Variants in MMP26 observed in about 807,000 individuals in gnomAD.
The protein encoded by MMP26 is matrix metallopeptidase 26.
MMP26 carries 33 observed loss-of-function variants against 31.0 expected under a neutral mutation model. That is an observed-to-expected ratio of 1.06 (90% CI 0.81 to 1.42). The LOEUF (loss-of-function observed/expected upper bound fraction) is 1.42, where lower values mean the gene tolerates loss of function less well. Among genes scored for constraint, MMP26 ranks in the 40% most tolerant of loss-of-function variants. MMP26 has a pLI of 0.00. For synonymous variants in MMP26, 122 were observed against 114.9 expected (o/e 1.06, Z -0.40); for missense variants, 347 against 316.1 (o/e 1.10, Z -0.74).
intron 2 of MMP26, among the ~76,000 whole-genome samples, chr11:4,858,112 C>T (rs528637920): frequency 2.0e-5 from 3 of 152,150 alleles, no homozygotes; most frequent in African/African-American, 7.2e-5. Context: ...GACCCAGAGT[C>T]AATATCATAC....
chr11:4,963,856 C>A (rs1846554511), intron 2 of MMP26, among the ~76,000 whole-genome samples: 1 of 152,124 alleles, frequency 6.6e-6, no homozygotes, highest in African/African-American at 2.4e-5. Flanking sequence ...TTGCATTTCT[C>A]TAATGATCAG....
intron 1 of MMP26, among the ~76,000 whole-genome samples, chr11:4,748,269 T>A (rs1848405278): frequency 6.6e-6 from 1 of 151,836 alleles, no homozygotes; most frequent in African/African-American, 2.4e-5. Flanking sequence ...CCGAACAGAC[T>A]AATATCGATT....
At chr11:4,912,420 C>T (rs374189799) in intron 2 of MMP26, among the ~76,000 whole-genome samples, 9 of 152,124 alleles carry the variant, frequency 5.9e-5, no homozygotes, top group Non-Finnish European at 1.2e-4. Flanking sequence ...TACAAGTGCA[C>T]ATCACAGAGA....
At chr11:4,896,705 A>G (rs1284644215) in intron 2 of MMP26, among the ~76,000 whole-genome samples, 1 of 152,200 alleles carries the variant, frequency 6.6e-6, no homozygotes, top group Non-Finnish European at 1.5e-5. Flanking sequence ...TGAATAAAAT[A>G]TAATTTACAC....
At chr11:4,880,828 G>A (rs557786388) in intron 2 of MMP26, among the ~76,000 whole-genome samples, 15 of 152,144 alleles carry the variant, frequency 9.9e-5, no homozygotes, top group African/African-American at 1.4e-4. Flanking sequence ...ATTCTGAATT[G>A]TGGAGGAAAT....
At chr11:4,709,479 TG>T in intron 1 of MMP26, 2 of 357,252 alleles carry the variant, frequency 5.6e-6, no homozygotes, top group Non-Finnish European at 1.1e-5. Flanking sequence ...ACAAATTGTA[TG>T]GTGTATAGAA....
At position 4,827,624 on chromosome 11, in the gene MMP26, A is replaced by G. The variant is rs113557083; in HGVS notation, c.-145+60283A>G. ...CACCCTTTTATGTTAAAATGGTGAT[A>G]TTAATAATAATATTGTTATTATTTA... On this transcript the variant is annotated intron_variant, in intron 2 of 7. Transcript: ENST00000380390. 4.3e-3 allele frequency among the ~76,000 whole-genome samples: 659 copies of G among 152,078 alleles called. 9 individuals carry two copies. The highest frequency in any genetic ancestry group is 0.015 in the African/African-American group (614 of 41,532).
chr11:4,872,881 A>G (rs751025585), intron 2 of MMP26, among the ~76,000 whole-genome samples: 1 of 152,062 alleles, frequency 6.6e-6, no homozygotes, highest in African/African-American at 2.4e-5. Context: ...ATTTAGATAG[A>G]CAGAATTAAG....
chr11:4,785,707 A>G (rs958381711), intron 2 of MMP26, among the ~76,000 whole-genome samples: 1 of 152,236 alleles, frequency 6.6e-6, no homozygotes, highest in Non-Finnish European at 1.5e-5. Flanking sequence ...TGCAGCTTTT[A>G]ACAAACAGCC....
intron 2 of MMP26, among the ~76,000 whole-genome samples, chr11:4,869,119 A>G (rs546881929): frequency 8.4e-4 from 128 of 152,346 alleles, no homozygotes; most frequent in African/African-American, 2.4e-3. Context: ...AAATCCTACA[A>G]GAAAACCTAG....
rs1303770410 is a variant in MMP26, at chr11:4,952,398, A to C, written c.-144-35670A>C. On this transcript the variant is annotated intron_variant, in intron 2 of 7. Coordinates refer to ENST00000380390, the MANE Select transcript of MMP26 (RefSeq NM_021801.5). Reference sequence around the variant, plus strand: ...GAGAATAGGAGCTTCTGTTTCTTTCAATTAATAAAGCATGTCAACTACTGC... The same window carrying C: ...GAGAATAGGAGCTTCTGTTTCTTTCCATTAATAAAGCATGTCAACTACTGC... 6.4e-5 allele frequency among the ~76,000 whole-genome samples: 8 copies of C among 124,878 alleles called. 2 individuals are homozygous for C. The highest frequency in any genetic ancestry group is 2.2e-4 in the African/African-American group (8 of 36,812). The allele number at this position is 124,878 out of a possible 152,430, so 81.9% of individuals were successfully genotyped here.
At chr11:4,716,532 T>C (rs1368611124) in intron 1 of MMP26, among the ~76,000 whole-genome samples, 4 of 152,106 alleles carry the variant, frequency 2.6e-5, no homozygotes, top group African/African-American at 9.7e-5. Flanking sequence ...TTCTTGTTGT[T>C]TTTAATTATA....
At chr11:4,988,518 T>G (rs1423620925) in intron 3 of MMP26, among the ~76,000 whole-genome samples, 1 of 152,110 alleles carries the variant, frequency 6.6e-6, no homozygotes, top group Non-Finnish European at 1.5e-5. Context: ...AAAGTGTTTT[T>G]GGGCCCTAGG....
chr11:4,725,967 G>A (rs926931545), intron 1 of MMP26, among the ~76,000 whole-genome samples: 2 of 152,158 alleles, frequency 1.3e-5, no homozygotes, highest in East Asian at 1.9e-4. Context: ...AGGGCTGTCT[G>A]CAGGCACAGT....
At chr11:4,973,370 T>C (rs1846691596) in intron 2 of MMP26, 1 of 152,554 alleles carries the variant, frequency 6.6e-6, no homozygotes, top group Non-Finnish European at 1.5e-5. Context: ...GAGGTTCTTC[T>C]TACAATATTT....
chr11:4,963,046 G>C (rs1846542819), intron 2 of MMP26, among the ~76,000 whole-genome samples: 1 of 152,232 alleles, frequency 6.6e-6, no homozygotes. Context: ...AAGCCCTGGG[G>C]ATTCCAACTC....
rs534516944 is a variant in MMP26, at chr11:4,705,455, C to G, written c.-217+410C>G. ...CACCCATAAAGGGGAGTTATTAATA[C>G]CCAATAATGGTGTTGTGATAGTAAT... On this transcript the variant is annotated intron_variant, in intron 1 of 7. Coordinates refer to ENST00000380390, the MANE Select transcript of MMP26 (RefSeq NM_021801.5). Among the ~76,000 whole-genome samples, 9 of 152,178 alleles carry G rather than the reference C, an allele frequency of 5.9e-5. No individual in the cohort carries two copies. In the South Asian group the frequency reaches 1.9e-3, roughly 32 times the overall value.
chr11:4,828,808 G>A (rs1420128016), intron 2 of MMP26, among the ~76,000 whole-genome samples: 1 of 152,096 alleles, frequency 6.6e-6, no homozygotes, highest in African/African-American at 2.4e-5. Context: ...GGATATTTTG[G>A]GCTAGAATTA....
At chr11:4,924,093 C>T in intron 2 of MMP26, 1 of 1,614,116 alleles carries the variant, frequency 6.2e-7, no homozygotes, top group Non-Finnish European at 8.5e-7. Context: ...ATGCCCAGCA[C>T]AGTGGGCAGT....
Sources: allele counts gnomAD v4.1 joint callset (sites outside exome capture counted in the v4.1 genomes callset), GRCh38; gene constraint gnomAD v4.1.1; transcripts MANE v1.5; gene names NCBI Gene and HGNC (gene_info 2026-07-23, HGNC 2026-07-21).